The following ART3 variants were observed in gnomAD, a reference collection of about 807,000 sequenced individuals.
ART3 encodes the protein ADP-ribosyltransferase 3 (inactive), also known as ecto-ADP-ribosyltransferase 3.
A neutral mutation model predicts 48.5 loss-of-function variants in ART3; 49 were observed. The ratio of observed to expected loss-of-function variants is 1.01; its 90% CI spans 0.80 to 1.28. ART3 has a LOEUF of 1.28. Ranked by LOEUF, ART3 falls within the 50% of genes most tolerant of loss-of-function variation. The probability of loss-of-function intolerance (pLI) is 0.00; values close to 1 mark genes in which losing one functional copy is unlikely to be tolerated. For synonymous variants in ART3, 145 were observed against 157.2 expected, an observed-to-expected ratio of 0.92 and a Z score of 0.58; for missense variants, 438 against 454.3, an observed-to-expected ratio of 0.96 and a Z score of 0.33.
chr4:76,057,705 T>C (rs1284107665), intron 1 of ART3, among the ~76,000 whole-genome samples: 1 of 152,170 alleles, frequency 6.6e-6, no homozygotes. Flanking sequence ...GGCTGTGAAT[T>C]GGTCACATAG....
upstream of ART3, among the ~76,000 whole-genome samples, chr4:76,070,185 CTTTTAAGTATAATGAATTCCT>C (rs1720174136): frequency 2.1e-5 from 1 of 47,894 alleles, no homozygotes; most frequent in Non-Finnish European, 3.8e-5. Flanking sequence ...AATTCCTGTT[CTTTTAAGTATAATGAATTCCT>C]GTAAGTAGAA....
intron 1 of ART3, among the ~76,000 whole-genome samples, chr4:76,047,363 A>G (rs1037111472): frequency 2.0e-5 from 3 of 151,830 alleles, no homozygotes; most frequent in African/African-American, 7.3e-5. Flanking sequence ...CAGGTTTAAT[A>G]ATGCCTCTTG....
intron 1 of ART3, among the ~76,000 whole-genome samples, chr4:76,040,446 A>ACGCACG (rs1553926421): frequency 1.5e-3 from 206 of 138,586 alleles, no homozygotes; most frequent in Non-Finnish European, 2.6e-3. Flanking sequence ...ATACACACAC[A>ACGCACG]CACACACACA....
Position 76,082,405 on chromosome 4 carries a change from A to T in ART3, c.651A>T (p.Lys217Asn). The change falls in exon 3 of 12, where the codon AAA (lysine) becomes AAT (asparagine). Residue 217 changes from lysine (K) to asparagine (N), a missense_variant. Lys to Asn is a moderately conservative substitution (Grantham distance 94). This residue lies in a region of ART3 where 227 missense variants were observed against 229.6 expected (regional missense o/e 0.99). Transcript: ENST00000355810. Reference protein sequence around the residue: ...LGVDIENFLDKESERITLIPL... With the variant: ...LGVDIENFLDNESERITLIPL... ...TTGACATTGAAAATTTTCTTGATAA[A>T]GAAAGTGAAAGAATTACTTTAATAC... The T allele has an allele frequency of 6.2e-7, 1 of 1,614,112 alleles. No individual in the cohort carries two copies. Among genetic ancestry groups the T allele is most frequent in the Non-Finnish European group, 8.5e-7 (1 of 1,180,040 alleles).
rs150183350 is a variant in ART3, at chr4:76,036,929, C to T, written c.-10+25609C>T. On this transcript the variant is annotated intron_variant, in intron 1 of 9. Coordinates refer to the ART3 transcript ENST00000341029. ...CACTCGTTAGGGGTGAAGCCACACA[C>T]CTCTGGGATCATGTCCCACACAAAT... 306 of 196,088 alleles carry T rather than the reference C, an allele frequency of 1.6e-3. 2 individuals carry two copies. The highest frequency in any genetic ancestry group is 2.8e-3 in the Admixed American group (51 of 18,200). The allele number at this position is 196,088 out of a possible 1,614,324, so 12.1% of individuals were successfully genotyped here.
At position 76,102,035 on chromosome 4, in the gene ART3, CTTTA is replaced by C. The variant is rs1347680032; in HGVS notation, c.937+1020_937+1023del. 2.6e-5 allele frequency among the ~76,000 whole-genome samples: 4 copies of C among 152,008 alleles called. No homozygotes were observed. The East Asian group carries it at 7.7e-4, about 29-fold the overall frequency. ...CAACAAATTTAAAGAGATCAATTGG[CTTTA>C]TTTGAGATTCTAGAATTGGGCAACA... On this transcript the variant is annotated intron_variant, in intron 8 of 11. Transcript: ENST00000355810.
intron 1 of ART3, among the ~76,000 whole-genome samples, chr4:76,045,257 A>G (rs995568426): frequency 2.0e-5 from 3 of 152,052 alleles, no homozygotes; most frequent in Non-Finnish European, 4.4e-5. Context: ...ATTTGTTGGC[A>G]GTCATGCTCA....
chr4:76,068,598 G>A (rs1719973176), intron 1 of ART3, among the ~76,000 whole-genome samples: 1 of 152,098 alleles, frequency 6.6e-6, no homozygotes, highest in Non-Finnish European at 1.5e-5. Context: ...GACACAAAGG[G>A]GGGACCAACA....
rs190186168 is a variant in ART3, at chr4:76,044,266, C to T, written c.-9-31615C>T. Among the ~76,000 whole-genome samples the T allele has an allele frequency of 1.0e-3, 155 of 152,022 alleles. 1 individual carries two copies. The highest frequency in any genetic ancestry group is 3.6e-3 in the African/African-American group (150 of 41,518). Reference sequence around the variant, plus strand: ...TTCAGAAGCCTTTTCCTGTAAACGCCGGGCGGCATCTCATACTATCCCCGA... The same window carrying T: ...TTCAGAAGCCTTTTCCTGTAAACGCTGGGCGGCATCTCATACTATCCCCGA... On this transcript the variant is annotated intron_variant, in intron 1 of 9. Transcript: ENST00000341029.
In ART3 at chr4:76,081,993, G is replaced by A. The variant is rs138370369; in HGVS notation, c.239G>A (p.Arg80Gln). 1.7e-5 allele frequency: 28 copies of A among 1,614,042 alleles called. No individual in the cohort carries two copies. Among genetic ancestry groups the A allele is most frequent in the Middle Eastern group, 1.6e-4 (1 of 6,084 alleles). The stretch of plus-strand genomic sequence containing the variant: ...AATGCAAAAGCCAAATGGGCAGCCC[G>A]AAAGACTCAAATCTTTCTCCCTATG... ...WENAKAKWAA[R>Q]KTQIFLPMNF... Residue 80 changes from arginine to glutamine, a missense_variant, in exon 3 of 12, where the codon CGA (arginine) becomes CAA (glutamine). By Grantham distance (43) the Arg-to-Gln change is conservative (BLOSUM62 1). Around this residue, in one of 3 missense-constraint regions of ART3, gnomAD observed 206 missense variants for 205.3 expected, o/e 1.00. Transcript: ENST00000355810.
intron 1 of ART3, among the ~76,000 whole-genome samples, chr4:76,022,126 G>T (rs1457072198): frequency 3.3e-5 from 5 of 152,190 alleles, no homozygotes; most frequent in Non-Finnish European, 7.3e-5. Flanking sequence ...GGAAAATGTT[G>T]TCAGTTTTGC....
At chr4:76,036,670 AAATTT>A (rs57412392) in intron 1 of ART3, 93,581 of 153,418 alleles carry the variant, frequency 0.61, 29,542 homozygotes, top group East Asian at 0.94. Context: ...TTTTATTTTT[AAATTT>A]AATTTAATTT....
intron 1 of ART3, among the ~76,000 whole-genome samples, chr4:76,055,275 G>A (rs1267448199): frequency 6.6e-6 from 1 of 152,234 alleles, no homozygotes; most frequent in Admixed American, 6.5e-5. Context: ...GGCTGGGTAT[G>A]TGGTGGTAAC....
chr4:76,084,924 C>T (rs1723236293), intron 3 of ART3, among the ~76,000 whole-genome samples: 1 of 152,160 alleles, frequency 6.6e-6, no homozygotes. Context: ...TCGTACCAAT[C>T]CTGCATAGGT....
At chr4:76,053,858 A>G (rs1417475894) in intron 1 of ART3, among the ~76,000 whole-genome samples, 2 of 152,166 alleles carry the variant, frequency 1.3e-5, no homozygotes, top group African/African-American at 2.4e-5. Context: ...ATCACCATAA[A>G]CTTCAGAGAA....
chr4:76,031,499 A>G (rs138360968), intron 1 of ART3, among the ~76,000 whole-genome samples: 1 of 152,324 alleles, frequency 6.6e-6, no homozygotes, highest in African/African-American at 2.4e-5. Flanking sequence ...CATTCATGCA[A>G]TTCCCAGAAT....
rs1419349624 is a variant in ART3, at chr4:76,077,168, T to C, written c.69+1210T>C. 4.6e-5 allele frequency among the ~76,000 whole-genome samples: 7 copies of C among 152,314 alleles called. No individual in the cohort carries two copies. In the South Asian group the frequency reaches 1.2e-3, roughly 27 times the overall value. Reference sequence around the variant, plus strand: ...ACCCAAAAAGAAACCCTGTACTTATTAGCAGTCAGCCCCAATTTTCTCCAT... The same window carrying C: ...ACCCAAAAAGAAACCCTGTACTTATCAGCAGTCAGCCCCAATTTTCTCCAT... On this transcript the variant is annotated intron_variant, in intron 2 of 11. Coordinates refer to ENST00000355810, the MANE Select transcript of ART3 (RefSeq NM_001130016.3).
chr4:76,051,262 A>T (rs1736055305), intron 1 of ART3, among the ~76,000 whole-genome samples: 2 of 151,506 alleles, frequency 1.3e-5, no homozygotes, highest in South Asian at 4.2e-4. Flanking sequence ...TTTTAGAGGG[A>T]TTTAGGCATG....
intron 1 of ART3, among the ~76,000 whole-genome samples, chr4:76,075,579 A>G (rs1205695352): frequency 5.9e-5 from 9 of 152,172 alleles, no homozygotes; most frequent in Admixed American, 5.9e-4. Context: ...TATGACTCCC[A>G]GTGACTGTGG....
Sources: gnomAD v4.1 joint callset for allele counts (sites outside exome capture counted in the v4.1 genomes callset) on GRCh38, gnomAD v4.1.1 for gene constraint, gnomAD v4.1.1 regional missense constraint, MANE v1.5 for transcripts, NCBI Gene and HGNC (gene_info 2026-07-23, HGNC 2026-07-21) for gene names.